Variants in GLTP observed in about 807,000 individuals in gnomAD.
The protein encoded by GLTP is glycolipid transfer protein.
GLTP carries 22 observed loss-of-function variants against 24.0 expected under a neutral mutation model. The observed-to-expected ratio is 0.92, with a 90% CI of 0.65 to 1.31. The LOEUF is 1.31. Among genes scored for constraint, GLTP ranks in the 50% most tolerant of loss-of-function variants. The pLI is 0.00. For missense variants in GLTP, 224 were observed against 276.6 expected (o/e 0.81, Z 1.35); for synonymous variants, 92 against 115.9 (o/e 0.79, Z 1.33).
chr12:109,857,937 AC>A lies in GLTP; in HGVS notation c.163-279del. On this transcript the variant is annotated intron_variant, in intron 2 of 4. Transcript: ENST00000318348. This position sits in a 1 kb window ranked among gnomAD's most constrained non-coding sequence, Gnocchi z 4.3. ...GAGACACTGAGGCTCACAGAGGAGC[AC>A]GGACTTGCCCAAGGTCACACAGTTG... The A allele has an allele frequency of 2.1e-6, 1 of 478,866 alleles. No individual in the cohort carries two copies. Among genetic ancestry groups the A allele is most frequent in the Non-Finnish European group, 3.9e-6 (1 of 259,258 alleles). The allele number at this position is 478,866 out of a possible 1,614,324, so 29.7% of individuals were successfully genotyped here.
chr12:109,863,958 G>C (rs1868442638), intron 1 of GLTP, among the ~76,000 whole-genome samples: 1 of 152,194 alleles, frequency 6.6e-6, no homozygotes, highest in Admixed American at 6.5e-5. Flanking sequence ...GTGCAGTTCT[G>C]AGCAGCCCTG....
At chr12:109,865,241 T>G (rs1441152226) in intron 1 of GLTP, among the ~76,000 whole-genome samples, 1 of 152,204 alleles carries the variant, frequency 6.6e-6, no homozygotes, top group Non-Finnish European at 1.5e-5. Context: ...GGGAAGGGAC[T>G]TGGAGGGTTT....
rs188221685 is a variant in GLTP, at chr12:109,857,858, A to T, written c.163-199T>A. ...CAAAATGCTTTACAGGCACTACCTT[A>T]TATGATCCTGGTGGCAAACCTGATG... On this transcript the variant is annotated intron_variant, in intron 2 of 4. Coordinates refer to ENST00000318348, the MANE Select transcript of GLTP (RefSeq NM_016433.4). This position sits in a 1 kb window ranked among gnomAD's most constrained non-coding sequence, Gnocchi z 4.3. The T allele has an allele frequency of 1.8e-5, 11 of 601,582 alleles. No homozygotes were observed. Among genetic ancestry groups the T allele is most frequent in the East Asian group, 5.8e-5 (2 of 34,770 alleles). The allele number at this position is 601,582 out of a possible 1,614,324, so 37.3% of individuals were successfully genotyped here.
intron 1 of GLTP, among the ~76,000 whole-genome samples, chr12:109,859,089 C>G (rs761528250): frequency 6.6e-6 from 1 of 152,216 alleles, no homozygotes; most frequent in Non-Finnish European, 1.5e-5. Context: ...GGGTCTCGCT[C>G]TGTCACTCAG....
chr12:109,863,542 G>A (rs552296840), intron 1 of GLTP, among the ~76,000 whole-genome samples: 2 of 152,180 alleles, frequency 1.3e-5, no homozygotes, highest in South Asian at 2.1e-4. Flanking sequence ...ATCTGTCAGC[G>A]TATTTCCCTG....
At chr12:109,879,400 C>A (rs751147366) in intron 1 of GLTP, among the ~76,000 whole-genome samples, 6 of 152,132 alleles carry the variant, frequency 3.9e-5, no homozygotes, top group African/African-American at 9.7e-5. Context: ...CCATCTGGGG[C>A]CTTGGCTGGA....
At chr12:109,868,540 G>A (rs4766489) in intron 1 of GLTP, among the ~76,000 whole-genome samples, 102,070 of 151,586 alleles carry the variant, frequency 0.67, 36,169 homozygotes, top group African/African-American at 0.88. Flanking sequence ...AATGTTCAGG[G>A]AAAAAAAAGG....
At chr12:109,868,307 G>A (rs1236843788) in intron 1 of GLTP, among the ~76,000 whole-genome samples, 1 of 145,882 alleles carries the variant, frequency 6.9e-6, no homozygotes, top group Non-Finnish European at 1.5e-5. Flanking sequence ...CACTGTACCC[G>A]ACCTCATTTC....
At chr12:109,871,575 G>T (rs1868723464) in intron 1 of GLTP, among the ~76,000 whole-genome samples, 1 of 152,124 alleles carries the variant, frequency 6.6e-6, no homozygotes, top group South Asian at 2.1e-4. Flanking sequence ...AAGTCCTGTG[G>T]ACCACTTCCT....
chr12:109,871,081 C>CTTTTTTTTTTTTTTTTTT, intron 1 of GLTP, among the ~76,000 whole-genome samples: 1 of 114,434 alleles, frequency 8.7e-6, no homozygotes. Context: ...CATTTCCATT[C>CTTTTTTTTTTTTTTTTTT]TTTTTTTTTT....
rs571018596 is a variant in GLTP, at chr12:109,857,178, A to G, written c.296+348T>C. Among the ~76,000 whole-genome samples, 16 of 152,352 alleles carry G rather than the reference A, an allele frequency of 1.1e-4. No individual in the cohort carries two copies. The South Asian group carries it at 3.3e-3, about 32-fold the overall frequency. On this transcript the variant is annotated intron_variant, in intron 3 of 4. Transcript: ENST00000318348. This position sits in a 1 kb window ranked among gnomAD's most constrained non-coding sequence, Gnocchi z 4.3. ...GCAACCTGCATAACTGTGCTGGATG[A>G]CATGGGCACGTGATTTGGCCTCCAG...
chr12:109,856,817 C>T (rs1169335952), intron 3 of GLTP, among the ~76,000 whole-genome samples: 2 of 152,202 alleles, frequency 1.3e-5, no homozygotes, highest in Admixed American at 6.5e-5. Context: ...ACACGGATCA[C>T]TTGAGGCCAG....
intron 1 of GLTP, chr12:109,859,828 C>T (rs1892848769): frequency 6.5e-6 from 1 of 153,200 alleles, no homozygotes; most frequent in Non-Finnish European, 1.5e-5. Flanking sequence ...CATGATGCTG[C>T]TGAGGAATCA....
intron 1 of GLTP, among the ~76,000 whole-genome samples, chr12:109,870,833 CAG>C (rs1241717849): frequency 6.6e-6 from 1 of 152,118 alleles, no homozygotes; most frequent in Non-Finnish European, 1.5e-5. Flanking sequence ...TTTCTGAACA[CAG>C]GGGAAGTGTG....
intron 1 of GLTP, among the ~76,000 whole-genome samples, chr12:109,869,915 C>A (rs1868667148): frequency 6.6e-6 from 1 of 151,650 alleles, no homozygotes. Flanking sequence ...TGCCACCATG[C>A]CTGGCTAATT....
chr12:109,873,717 G>A (rs1255397177), intron 1 of GLTP, among the ~76,000 whole-genome samples: 1 of 151,996 alleles, frequency 6.6e-6, no homozygotes, highest in Non-Finnish European at 1.5e-5. Flanking sequence ...GCTGAGGCAG[G>A]AGGATCACTT....
intron 1 of GLTP, among the ~76,000 whole-genome samples, chr12:109,869,042 G>A (rs1868631155): frequency 6.6e-6 from 1 of 152,164 alleles, no homozygotes; most frequent in Non-Finnish European, 1.5e-5. Flanking sequence ...GCTTACTCCT[G>A]TAATCCCAGC....
At chr12:109,863,008 C>T (rs1157329581) in intron 1 of GLTP, among the ~76,000 whole-genome samples, 4 of 150,042 alleles carry the variant, frequency 2.7e-5, no homozygotes, top group African/African-American at 4.9e-5. Context: ...GCCGAGACTG[C>T]GCCACTGCAC....
chr12:109,880,468 G>C lies in GLTP; in HGVS notation c.-94C>G. The C allele has an allele frequency of 8.7e-6, 3 of 345,442 alleles. No individual in the cohort carries two copies. Among genetic ancestry groups the C allele is most frequent in the Non-Finnish European group, 1.4e-5 (3 of 214,570 alleles). The allele number at this position is 345,442 out of a possible 1,614,324, so 21.4% of individuals were successfully genotyped here. On this transcript the variant is annotated 5_prime_UTR_variant, in exon 1 of 5. Transcript: ENST00000318348. This position sits in a 1 kb window ranked among gnomAD's most constrained non-coding sequence, Gnocchi z 5.1. ...CGCCGTCAGCGCCGGGGCCGTCACAGCCGCCCGCCGCAGGCTCCGGGGACG... is the reference window on the plus strand; with the variant it reads ...CGCCGTCAGCGCCGGGGCCGTCACACCCGCCCGCCGCAGGCTCCGGGGACG...
Sources: gnomAD v4.1 joint callset for allele counts (sites outside exome capture counted in the v4.1 genomes callset) on GRCh38, gnomAD v4.1.1 for gene constraint, Gnocchi (gnomAD v3.1) non-coding constraint, MANE v1.5 for transcripts, NCBI Gene and HGNC (gene_info 2026-07-23, HGNC 2026-07-21) for gene names.